RBM23: variants seen among roughly 807,000 people sequenced by gnomAD.
RBM23 encodes RNA binding motif protein 23.
A neutral mutation model predicts 56.2 loss-of-function variants in RBM23; 53 were observed. The ratio of observed to expected loss-of-function variants is 0.94; its 90% CI spans 0.76 to 1.19. RBM23 has a LOEUF of 1.19. Ranked by LOEUF, RBM23 falls within the 50% of genes most tolerant of loss-of-function variation. The pLI is 0.00. For synonymous variants in RBM23, 197 were observed against 198.5 expected (o/e 0.99, Z 0.06); for missense variants, 642 against 590.3 (o/e 1.09, Z -0.91).
intron 9 of RBM23, 46 bp from the exon 10 acceptor site, chr14:22,904,372 A>C: frequency 6.7e-7 from 1 of 1,494,052 alleles, no homozygotes; most frequent in Non-Finnish European, 9.3e-7. Flanking sequence ...ACTAGCCCAC[A>C]TCTTCAATCT....
intron 10 of RBM23, chr14:22,902,619 T>G: frequency 8.0e-7 from 1 of 1,243,146 alleles, no homozygotes; most frequent in Non-Finnish European, 1.0e-6. Flanking sequence ...ATTAAGAATC[T>G]AACAATGCAA....
chr14:22,904,310 A>G lies in RBM23; in HGVS notation c.881T>C (p.Leu294Pro). The G allele has an allele frequency of 6.2e-7, 1 of 1,609,722 alleles. No individual in the cohort carries two copies. Among genetic ancestry groups the G allele is most frequent in the Non-Finnish European group, 8.5e-7 (1 of 1,176,164 alleles). Residue 294 changes from leucine (L) to proline (P), a missense_variant, in exon 10 of 14, where the codon CTG becomes CCG. By Grantham distance (98) the Leu-to-Pro change is moderately conservative. Transcript: ENST00000359890. ...EPFGKIDNIV[L>P]MKDSDTGRSK... ...GCGGCCTGTATCTGAGTCCTTCATC[A>G]GGACAATATTATCAATCTGTAGAAG...
In RBM23 at chr14:22,900,704, TCAGA is replaced by T. The variant is rs1487445109; in HGVS notation, c.*1022_*1025del. 1 of 152,142 alleles carries T rather than the reference TCAGA, an allele frequency of 6.6e-6. No homozygotes were observed. Among genetic ancestry groups the T allele is most frequent in the Non-Finnish European group, 1.5e-5 (1 of 68,048 alleles). The allele number at this position is 152,142 out of a possible 1,614,324, so 9.4% of individuals were successfully genotyped here. ...CATAAGTTGGGCTAATGAGAAGTTG[TCAGA>T]CACACAACAAAGACCACACACAAAT... On this transcript the variant is annotated 3_prime_UTR_variant, in exon 14 of 14. Transcript: ENST00000359890.
chr14:22,914,294 C>T (rs1290413147), intron 1 of RBM23, among the ~76,000 whole-genome samples: 3 of 138,616 alleles, frequency 2.2e-5, no homozygotes, highest in South Asian at 2.3e-4. Flanking sequence ...CACTGCACTC[C>T]AGCCTGGTGA....
At chr14:22,918,321 G>C (rs2043929438) in intron 1 of RBM23, among the ~76,000 whole-genome samples, 1 of 151,984 alleles carries the variant, frequency 6.6e-6, no homozygotes. Context: ...CTAGAACCCG[G>C]GAGACAGGAT....
chr14:22,908,300 A>G (rs1002084150), intron 4 of RBM23, 33 bp downstream of exon 4: 1 of 1,547,786 alleles, frequency 6.5e-7, no homozygotes, highest in East Asian at 2.4e-5. Flanking sequence ...GATTAAAGAT[A>G]CGAGCCACTG....
chr14:22,911,217 TAATA>T, intron 2 of RBM23, 107 bp downstream of exon 2: 2 of 869,276 alleles, frequency 2.3e-6, no homozygotes, highest in East Asian at 2.5e-5. Context: ...TTATTCTACA[TAATA>T]AATAAGCAGG....
intron 10 of RBM23, chr14:22,903,695 G>T: frequency 1.0e-6 from 1 of 1,002,778 alleles, no homozygotes; most frequent in Non-Finnish European, 1.2e-6. Context: ...TCAGCCTGGA[G>T]TCACATGGGG....
intron 3 of RBM23, among the ~76,000 whole-genome samples, chr14:22,909,188 C>T (rs1259083046): frequency 2.0e-5 from 3 of 152,112 alleles, no homozygotes; most frequent in Non-Finnish European, 2.9e-5. Context: ...GGTGATCCAC[C>T]CACCTCGGCC....
rs2042491967 is a variant in RBM23 at position 22,911,365 on chromosome 14, A to C, written c.29T>G (p.Ile10Ser). MASDDFDIVIEAMLEAPYKK... is the reference protein window; with the variant it reads MASDDFDIVSEAMLEAPYKK... The stretch of plus-strand genomic sequence containing the variant: ...ATAGGGAGCTTCCAGCATGGCCTCA[A>C]TCACTATGTCAAAGTCATCAGATGC... The change falls in exon 2 of 14, where the codon ATT becomes AGT. Residue 10 changes from isoleucine (I) to serine (S), a missense_variant. By Grantham distance (142) the Ile-to-Ser change is moderately radical (BLOSUM62 -2). Transcript: ENST00000359890. 1.2e-6 allele frequency: 2 copies of C among 1,613,720 alleles called. No individual in the cohort carries two copies. The highest frequency in any genetic ancestry group is 1.7e-6 in the Non-Finnish European group (2 of 1,179,822).
chr14:22,913,207 G>A (rs2042886737), intron 1 of RBM23, among the ~76,000 whole-genome samples: 1 of 151,010 alleles, frequency 6.6e-6, no homozygotes, highest in African/African-American at 2.4e-5. Context: ...GAGGTCAGGA[G>A]ATCGAGACCA....
intron 10 of RBM23, chr14:22,903,275 A>G: frequency 1.0e-6 from 1 of 985,456 alleles, no homozygotes; most frequent in Non-Finnish European, 1.2e-6. Flanking sequence ...ACACTGGTAC[A>G]AAGAGGATTC....
rs34197647 is a variant in RBM23 at position 22,900,329 on chromosome 14, A to ACCCCCC, written c.*1395_*1400dup. 4 of 132,654 alleles carry ACCCCCC rather than the reference A, an allele frequency of 3.0e-5. No homozygotes were observed. Among genetic ancestry groups the ACCCCCC allele is most frequent in the African/African-American group, 5.7e-5 (2 of 35,128 alleles). 8.2% of individuals were successfully genotyped at this position (132,654 alleles called of 1,614,324 possible). On this transcript the variant is annotated 3_prime_UTR_variant, in exon 14 of 14. Coordinates refer to ENST00000359890, the MANE Select transcript of RBM23 (RefSeq NM_001077351.2). ...TGGTACTTAACTCTTCAAGATCACA[A>ACCCCCC]CCCCCCCCCCTCCCCGCCCCGCCCC...
In RBM23 at chr14:22,906,205, G is replaced by C. The variant is rs779997763; in HGVS notation, c.391C>G (p.Leu131Val). The change falls in exon 5 of 14, where the codon CTT becomes GTT. Residue 131 changes from leucine (L) to valine (V), a missense_variant. Transcript: ENST00000359890. ...EDRVHYRSPP[L>V]ATGYRYGHSK... ...AGCAAAAAGTGATACCCAGTGGCAA[G>C]TGGAGGACTCCTGTAATGCACACGA... 4 of 1,614,144 alleles carry C rather than the reference G, an allele frequency of 2.5e-6. No homozygotes were observed. In the Admixed American group the frequency reaches 6.7e-5, roughly 27 times the overall value.
At chr14:22,903,936 G>T in intron 10 of RBM23, 1 of 1,269,194 alleles carries the variant, frequency 7.9e-7, no homozygotes, top group Non-Finnish European at 1.0e-6. Flanking sequence ...GTCTTTAAAA[G>T]CCCATACCTA....
intron 4 of RBM23, among the ~76,000 whole-genome samples, chr14:22,907,553 C>T (rs1312493591): frequency 6.6e-6 from 1 of 152,070 alleles, no homozygotes; most frequent in African/African-American, 2.4e-5. Flanking sequence ...TTCACACATA[C>T]CAGAAACTAC....
Position 22,902,173 on chromosome 14 carries a change from C to A in RBM23, c.1126+14G>T. The A allele has an allele frequency of 1.9e-6, 3 of 1,612,462 alleles. No homozygotes were observed. Among genetic ancestry groups the A allele is most frequent in the African/African-American group, 1.3e-5 (1 of 75,012 alleles). On this transcript the variant is annotated intron_variant, in intron 11 of 13. Transcript: ENST00000359890. ...ATTCAACCCCATAATCTTCACCTTG[C>A]GGAGATATTTTACCTTCTGCCAGTT...
In RBM23 at chr14:22,902,353, G is replaced by A. The variant is rs2040693711; in HGVS notation, c.960C>T (p.Ala320=). Reference sequence around the variant, plus strand: ...GCTCAAACCCATTCAACTGTTCCAGGGCCCGCCGGGCACACTCAGAATCAG... The same window carrying A: ...GCTCAAACCCATTCAACTGTTCCAGAGCCCGCCGGGCACACTCAGAATCAG... ...TFSDSECARR[A]LEQLNGFELA... Residue 320 remains alanine (A), a synonymous_variant, in exon 11 of 14, where the codon GCC becomes GCT. Transcript: ENST00000359890. The A allele has an allele frequency of 3.7e-6, 6 of 1,613,444 alleles. No homozygotes were observed. The highest frequency in any genetic ancestry group is 1.7e-5 in the Admixed American group (1 of 59,948).
chr14:22,907,933 A>C (rs1291809985), intron 4 of RBM23, among the ~76,000 whole-genome samples: 1 of 152,226 alleles, frequency 6.6e-6, no homozygotes, highest in East Asian at 1.9e-4. Flanking sequence ...TAAAAATAGA[A>C]AAAAGCTTAT....
Sources: allele counts gnomAD v4.1 joint callset (sites outside exome capture counted in the v4.1 genomes callset), GRCh38; gene constraint gnomAD v4.1.1; transcripts MANE v1.5; gene names NCBI Gene and HGNC (gene_info 2026-07-23, HGNC 2026-07-21).